Variants in SLC13A5 observed in about 807,000 individuals in gnomAD.
SLC13A5 encodes solute carrier family 13 member 5.
Under a neutral mutation model 56.5 loss-of-function variants are expected in SLC13A5, and 25 were observed. That is an observed-to-expected ratio of 0.44 (90% CI 0.32 to 0.62). The LOEUF (loss-of-function observed/expected upper bound fraction) is 0.62. Among genes scored for constraint, SLC13A5 ranks in the 20% least tolerant of loss-of-function variants. The pLI is 0.04. For synonymous variants in SLC13A5, 307 were observed against 301.5 expected (o/e 1.02, Z -0.19); for missense variants, 649 against 737.8 (o/e 0.88, Z 1.39).
intron 10 of SLC13A5, chr17:6,689,969 C>G (rs1225383632): frequency 7.0e-6 from 1 of 143,444 alleles, no homozygotes; most frequent in Non-Finnish European, 1.5e-5. Flanking sequence ...GATCCCACAT[C>G]TTGAACTCGG....
Position 6,686,306 on chromosome 17 carries a change from T to C in SLC13A5, c.1608A>G (p.Gly536=). ...VKTGVIMNII[G]VFCVFLAVNT... ...TGACAGCCAAAAACACACAGAAGAC[T>C]CCAATTATGTTCATTATGACTCCTG... The change falls in exon 12 of 12, where the codon GGA becomes GGG. Residue 536 remains glycine (G), a synonymous_variant. Transcript: ENST00000433363. 1 of 1,613,928 alleles carries C rather than the reference T, an allele frequency of 6.2e-7. No individual in the cohort carries two copies. Among genetic ancestry groups the C allele is most frequent in the Non-Finnish European group, 8.5e-7 (1 of 1,179,952 alleles).
chr17:6,703,825 AGGGAG>A (rs1403681432), intron 4 of SLC13A5, 48 bp downstream of exon 4: 1 of 1,482,428 alleles, frequency 6.7e-7, no homozygotes, highest in Non-Finnish European at 8.9e-7. Context: ...TTGCCAGCAG[AGGGAG>A]GGGAAGGCTG....
At chr17:6,708,981 G>A (rs1597680326) in intron 1 of SLC13A5, among the ~76,000 whole-genome samples, 2 of 139,276 alleles carry the variant, frequency 1.4e-5, no homozygotes, top group African/African-American at 5.2e-5. Context: ...TTTCTCTCTC[G>A]CTCTTTTATT....
Position 6,695,959 on chromosome 17 carries a change from G to A in SLC13A5, c.840-18C>T. The A allele has an allele frequency of 6.2e-7, 1 of 1,612,254 alleles. No homozygotes were observed. The highest frequency in any genetic ancestry group is 8.5e-7 in the Non-Finnish European group (1 of 1,178,906). On this transcript the variant is annotated intron_variant, in intron 6 of 11. Coordinates refer to ENST00000433363, the MANE Select transcript of SLC13A5 (RefSeq NM_177550.5). The stretch of plus-strand genomic sequence containing the variant: ...TTTTAAAACTGGAGAATGCAAAGAT[G>A]AGAGAAGGGCAGGGCAGACTGGTTG...
rs1189522889 is a variant in SLC13A5, at chr17:6,687,408, T to A, written c.1575+121A>T. The A allele has an allele frequency of 2.3e-5, 31 of 1,348,484 alleles. No individual in the cohort carries two copies. Among genetic ancestry groups the A allele is most frequent in the Non-Finnish European group, 2.9e-5 (28 of 959,008 alleles). 83.5% of individuals were successfully genotyped at this position (1,348,484 alleles called of 1,614,324 possible). A position where few individuals can be genotyped will look rare whatever the true frequency, so the allele number is the denominator to read the frequency against. ...TGTCAACAATGGCTACAGGTCTGGA[T>A]GTTCCGTGGCATTCCCAAGTCACAT... On this transcript the variant is annotated intron_variant, in intron 11 of 11. Coordinates refer to ENST00000433363, the MANE Select transcript of SLC13A5 (RefSeq NM_177550.5). The surrounding 1 kb of genome is among the most constrained non-coding windows in gnomAD (Gnocchi z 5.0).
chr17:6,691,016 C>T, intron 9 of SLC13A5, 76 bp from the exon 10 acceptor site: 1 of 1,505,932 alleles, frequency 6.6e-7, no homozygotes, highest in South Asian at 1.3e-5. Context: ...AAGCTTGGCC[C>T]ATCCTCCCCT....
rs559098179 is a variant in SLC13A5, at chr17:6,686,207, C to T, written c.1707G>A (p.Ter569=). The change falls in exon 12 of 12, where the codon TAG becomes TAA. Residue 569 remains the stop codon, a stop_retained_variant. Transcript: ENST00000433363. ...TGTGTGTGTGGTCTTGTGGCTCTTC[C>T]TAAGTCTCAATATGTGTCACATTAG... is the stretch of plus-strand genomic sequence containing the variant. ...DWANVTHIET[*] The T allele has an allele frequency of 5.6e-6, 9 of 1,614,112 alleles. No homozygotes were observed. The South Asian group carries it at 6.6e-5, about 12-fold the overall frequency.
chr17:6,685,943 G>C lies in SLC13A5; in HGVS notation c.*264C>G. 1 of 475,790 alleles carries C rather than the reference G, an allele frequency of 2.1e-6. No individual in the cohort carries two copies. 29.5% of individuals were successfully genotyped at this position (475,790 alleles called of 1,614,324 possible). ...CCTCGGCTACCTGGCCTCCCTCACA[G>C]AGATAATGGCAAGGCTTGGGAAAGA... On this transcript the variant is annotated 3_prime_UTR_variant, in exon 12 of 12. Transcript: ENST00000433363. The surrounding 1 kb of genome is among the most constrained non-coding windows in gnomAD (Gnocchi z 4.2).
At position 6,699,076 on chromosome 17, in the gene SLC13A5, TAAATAAATAAATA is replaced by T. The variant is rs758914612; in HGVS notation, c.839+1915_839+1927del. On this transcript the variant is annotated intron_variant, in intron 6 of 11. Coordinates refer to ENST00000433363, the MANE Select transcript of SLC13A5 (RefSeq NM_177550.5). ...ATAAATAAATAAATAAATAAATAAA[TAAATAAATAAATA>T]AAATAAAATAAAATAAAATAAAGAA... Among the ~76,000 whole-genome samples, 535 of 123,314 alleles carry T rather than the reference TAAATAAATAAATA, an allele frequency of 4.3e-3. 2 individuals are homozygous for T. Among genetic ancestry groups the T allele is most frequent in the African/African-American group, 8.6e-3 (292 of 33,834 alleles). The allele number at this position is 123,314 out of a possible 152,430, so 80.9% of individuals were successfully genotyped here. A position where few individuals can be genotyped will look rare whatever the true frequency, so the allele number is the denominator to read the frequency against.
In SLC13A5 at chr17:6,707,028, C is replaced by T. The variant is rs752165395; in HGVS notation, c.231G>A (p.Gln77=). ...FPLFQILDSR[Q]VCVQYMKDTN... ...ACCAGGATCCCTTGGGTCTGCTCAC[C>T]TGCCTGGAGTCCAGAATCTGGAAGA... Residue 77 remains glutamine, a splice_region_variant and synonymous_variant, in exon 2 of 12, where the codon CAG becomes CAA. Coordinates refer to ENST00000433363, the MANE Select transcript of SLC13A5 (RefSeq NM_177550.5). 1.9e-6 allele frequency: 3 copies of T among 1,613,850 alleles called. No individual in the cohort carries two copies. Among genetic ancestry groups the T allele is most frequent in the Non-Finnish European group, 2.5e-6 (3 of 1,179,994 alleles).
At position 6,692,757 on chromosome 17, in the gene SLC13A5, A is replaced by G. The variant is rs1354061153; in HGVS notation, c.1275+287T>C. On this transcript the variant is annotated intron_variant, in intron 9 of 11. Transcript: ENST00000433363. The surrounding 1 kb of genome is among the most constrained non-coding windows in gnomAD (Gnocchi z 5.5). The stretch of plus-strand genomic sequence containing the variant: ...ACAAATCAAAGCAGAGATTATTGTG[A>G]TCAAGCCCCAGAGGGTAACTGACAG... The G allele has an allele frequency of 2.3e-6, 1 of 435,992 alleles. No individual in the cohort carries two copies. The highest frequency in any genetic ancestry group is 4.7e-5 in the East Asian group (1 of 21,296). The allele number at this position is 435,992 out of a possible 1,614,324, so 27.0% of individuals were successfully genotyped here. A position where few individuals can be genotyped will look rare whatever the true frequency, so the allele number is the denominator to read the frequency against.
rs375318071 is a variant in SLC13A5, at chr17:6,712,241, C to T, written c.102+991G>A. Among the ~76,000 whole-genome samples, 17 of 152,322 alleles carry T rather than the reference C, an allele frequency of 1.1e-4. No homozygotes were observed. In the South Asian group the frequency reaches 2.7e-3, roughly 24 times the overall value. ...CCCCAGAGCATCCCCTGAAGAGCTC[C>T]TCTGTTTCCCAAACCTGCCTGGGGA... On this transcript the variant is annotated intron_variant, in intron 1 of 11. Transcript: ENST00000433363.
intron 11 of SLC13A5, 173 bp from the exon 12 acceptor site, chr17:6,686,511 G>C: frequency 1.4e-6 from 1 of 702,852 alleles, no homozygotes; most frequent in Non-Finnish European, 2.3e-6. Flanking sequence ...GGTATCCTCA[G>C]TGCTCAAGGC....
intron 3 of SLC13A5, among the ~76,000 whole-genome samples, chr17:6,706,382 C>T (rs1329705139): frequency 6.6e-6 from 1 of 152,194 alleles, no homozygotes; most frequent in African/African-American, 2.4e-5. Context: ...CCCAGAAAGC[C>T]TTCCAAGCCT....
At chr17:6,693,449 T>C (rs1393425326) in intron 8 of SLC13A5, 2 of 258,642 alleles carry the variant, frequency 7.7e-6, no homozygotes, top group Admixed American at 5.0e-5. Flanking sequence ...TAAGGGCCAT[T>C]AAGACTTTGT....
rs1048459337 is a variant in SLC13A5, at chr17:6,711,673, C to A, written c.102+1559G>T. Among the ~76,000 whole-genome samples, 1 of 147,896 alleles carries A rather than the reference C, an allele frequency of 6.8e-6. No homozygotes were observed. ...TGTGTCTGTGTGTTTGTGTGTGTGT[C>A]TGTGTGTGTTTGTGAGTGTGTGTGT... On this transcript the variant is annotated intron_variant, in intron 1 of 11. Coordinates refer to ENST00000433363, the MANE Select transcript of SLC13A5 (RefSeq NM_177550.5). This position sits in a 1 kb window ranked among gnomAD's most constrained non-coding sequence, Gnocchi z 4.0.
chr17:6,708,077 A>T (rs1250586492), intron 1 of SLC13A5, among the ~76,000 whole-genome samples: 1 of 152,108 alleles, frequency 6.6e-6, no homozygotes, highest in Non-Finnish European at 1.5e-5. Flanking sequence ...GGTTCAAGCG[A>T]TTCTCCTGCC....
At chr17:6,695,034 G>A (rs958609387) in intron 7 of SLC13A5, among the ~76,000 whole-genome samples, 50 of 152,190 alleles carry the variant, frequency 3.3e-4, no homozygotes, top group African/African-American at 1.2e-3. Flanking sequence ...TTGACCAGAT[G>A]TGAAGATGAG....
chr17:6,706,563 G>A, intron 3 of SLC13A5, 79 bp downstream of exon 3: 2 of 1,550,424 alleles, frequency 1.3e-6, no homozygotes, highest in Non-Finnish European at 1.7e-6. Flanking sequence ...TGGATGGCCT[G>A]GTCTGTGCCA....
Sources: gnomAD v4.1 joint callset for allele counts (sites outside exome capture counted in the v4.1 genomes callset) on GRCh38, gnomAD v4.1.1 for gene constraint, Gnocchi (gnomAD v3.1) non-coding constraint, MANE v1.5 for transcripts, NCBI Gene and HGNC (gene_info 2026-07-23, HGNC 2026-07-21) for gene names.